Variants in TGFBR2 observed in about 807,000 individuals in gnomAD.
TGFBR2 encodes the protein transforming growth factor beta receptor 2, also known as TGF-beta receptor type-2.
TGFBR2 carries 18 observed loss-of-function variants against 49.0 expected under a neutral mutation model. That is an observed-to-expected ratio of 0.37 (90% CI 0.25 to 0.54). TGFBR2 has a LOEUF of 0.54. Among genes scored for constraint, TGFBR2 ranks in the 20% least tolerant of loss-of-function variants. The probability of loss-of-function intolerance (pLI) is 0.85; values close to 1 mark genes in which losing one functional copy is unlikely to be tolerated. For synonymous variants in TGFBR2, 282 were observed against 275.9 expected (o/e 1.02, Z -0.22); for missense variants, 525 against 722.6 (o/e 0.73, Z 3.13).
At chr3:30,669,121 C>CAAAAAAAAAAAAAAAAAAAAAAAAAAAAA (rs56069409) in intron 3 of TGFBR2, among the ~76,000 whole-genome samples, 1 of 83,464 alleles carries the variant, frequency 1.2e-5, no homozygotes, top group African/African-American at 5.5e-5. Flanking sequence ...ACTAAAAATA[C>CAAAAAAAAAAAAAAAAAAAAAAAAAAAAA]AAAAAAAAAA....
intron 2 of TGFBR2, among the ~76,000 whole-genome samples, chr3:30,649,217 T>C (rs1345987570): frequency 6.6e-6 from 1 of 152,122 alleles, no homozygotes. Context: ...GTATTTTGCA[T>C]CTAAAAAGGA....
Position 30,671,657 on chromosome 3 carries a change from T to C in TGFBR2, c.474T>C (p.Pro158=). The part of the protein sequence containing the change: ...IFSEEYNTSN[P]DLLLVIFQVT... ...CATCAGAATATAACACCAGCAATCC[T>C]GACTTGTTGCTAGTCATATTTCAAG... The change falls in exon 4 of 7, where the codon CCT becomes CCC. Residue 158 remains proline, a synonymous_variant. Transcript: ENST00000295754. 6.2e-7 allele frequency: 1 copy of C among 1,614,222 alleles called. No individual in the cohort carries two copies. The highest frequency in any genetic ancestry group is 1.1e-5 in the South Asian group (1 of 91,088).
rs761927882 is a variant in TGFBR2 at position 30,671,669 on chromosome 3, A to G, written c.486A>G (p.Leu162=). The change falls in exon 4 of 7, where the codon CTA becomes CTG. Residue 162 remains leucine (L), a synonymous_variant. Coordinates refer to ENST00000295754, the MANE Select transcript of TGFBR2 (RefSeq NM_003242.6). ...ACACCAGCAATCCTGACTTGTTGCT[A>G]GTCATATTTCAAGTGACAGGCATCA... ...EYNTSNPDLL[L]VIFQVTGISL... is the part of the protein sequence containing the mutation. 1.9e-6 allele frequency: 3 copies of G among 1,614,176 alleles called. No homozygotes were observed. The highest frequency in any genetic ancestry group is 2.2e-5 in the East Asian group (1 of 44,882).
Position 30,693,145 on chromosome 3 carries a change from C to T in TGFBR2, c.*1546C>T. The T allele has an allele frequency of 4.3e-6, 1 of 233,320 alleles. No homozygotes were observed. Among genetic ancestry groups the T allele is most frequent in the Non-Finnish European group, 8.5e-6 (1 of 117,970 alleles). The allele number at this position is 233,320 out of a possible 1,614,324, so 14.5% of individuals were successfully genotyped here. ...GAACTCCTTTAAGGGTCTCAGTTAG[C>T]CCAAGTTTCTTTTGCTTATATGTTA... On this transcript the variant is annotated 3_prime_UTR_variant, in exon 7 of 7. Transcript: ENST00000295754.
At chr3:30,617,916 A>AG (rs1169087228) in intron 1 of TGFBR2, among the ~76,000 whole-genome samples, 2 of 152,252 alleles carry the variant, frequency 1.3e-5, no homozygotes, top group African/African-American at 4.8e-5. Context: ...ATAGCATTAA[A>AG]GCATGTTCCA....
intron 6 of TGFBR2, among the ~76,000 whole-genome samples, chr3:30,689,650 T>G (rs1012367118): frequency 1.2e-4 from 18 of 152,246 alleles, no homozygotes; most frequent in African/African-American, 3.9e-4. Context: ...GGTCACAGGC[T>G]TCTCTGGAGT....
intron 5 of TGFBR2, among the ~76,000 whole-genome samples, chr3:30,686,798 G>C (rs3773661): frequency 0.14 from 21,428 of 152,152 alleles, 1,643 homozygotes; most frequent in East Asian, 0.32. Flanking sequence ...ATCTTTTTAA[G>C]TGTCCTGTGC....
intron 1 of TGFBR2, among the ~76,000 whole-genome samples, chr3:30,618,992 A>C (rs189510339): frequency 2.0e-5 from 3 of 152,332 alleles, no homozygotes; most frequent in Admixed American, 2.0e-4. Context: ...CTTAATTAAC[A>C]GTAGCCACAA....
chr3:30,681,159 T>G (rs1264369206), intron 5 of TGFBR2, among the ~76,000 whole-genome samples: 17 of 78,592 alleles, frequency 2.2e-4, no homozygotes, highest in East Asian at 8.3e-4. Flanking sequence ...CCTTGTGAGA[T>G]GAAAAAAAAA....
chr3:30,672,289 G>A lies in TGFBR2; in HGVS notation c.1106G>A (p.Gly369Glu), dbSNP rs2125436215. The A allele has an allele frequency of 6.2e-7, 1 of 1,605,932 alleles. No individual in the cohort carries two copies. Among genetic ancestry groups the A allele is most frequent in the Admixed American group, 1.7e-5 (1 of 59,716 alleles). Residue 369 changes from glycine (G) to glutamate (E), a missense_variant, in exon 4 of 7, where the codon GGG becomes GAG. Around this residue, in one of 3 missense-constraint regions of TGFBR2, gnomAD observed 376 missense variants for 478.2 expected, o/e 0.79. Coordinates refer to ENST00000295754, the MANE Select transcript of TGFBR2 (RefSeq NM_003242.6). The surrounding 1 kb of genome is among the most constrained non-coding windows in gnomAD (Gnocchi z 4.5). ...AHLHSDHTPC[G>E]RPKMPIVHRD... ...CTCCACAGTGATCACACTCCATGTG[G>A]GAGGCCCAAGATGCCCATCGTGCAC...
intron 1 of TGFBR2, chr3:30,623,408 T>TA (rs1184948295): frequency 8.5e-7 from 1 of 1,178,520 alleles, no homozygotes; most frequent in Non-Finnish European, 1.2e-6. Context: ...GCTAAATTGT[T>TA]AAAGAGGCGA....
rs587782979 is a variant in TGFBR2, at chr3:30,674,232, G to A, written c.1382G>A (p.Cys461Tyr). 1 of 1,614,158 alleles carries A rather than the reference G, an allele frequency of 6.2e-7. No homozygotes were observed. The highest frequency in any genetic ancestry group is 8.5e-7 in the Non-Finnish European group (1 of 1,180,002). ...GTGCTCTGGGAAATGACATCTCGCT[G>A]TAATGCAGTGGGAGGTAGGTGTGGA... ...ALVLWEMTSR[C>Y]NAVGEVKDYE... The change falls in exon 5 of 7, where the codon TGT (cysteine) becomes TAT (tyrosine). Residue 461 changes from cysteine (C) to tyrosine (Y), a missense_variant. By Grantham distance (194) the Cys-to-Tyr change is radical (BLOSUM62 -2). Coordinates refer to ENST00000295754, the MANE Select transcript of TGFBR2 (RefSeq NM_003242.6).
At chr3:30,628,975 C>T (rs73823640) in intron 1 of TGFBR2, among the ~76,000 whole-genome samples, 2,337 of 152,258 alleles carry the variant, frequency 0.015, 61 homozygotes, top group African/African-American at 0.054. Flanking sequence ...TTTAATTACA[C>T]AAGGCATCCA....
intron 3 of TGFBR2, among the ~76,000 whole-genome samples, chr3:30,662,462 T>A (rs376906961): frequency 2.0e-5 from 3 of 152,218 alleles, no homozygotes; most frequent in African/African-American, 7.2e-5. Context: ...TTCTGAAATA[T>A]GTGCAGTTGG....
chr3:30,643,445 G>T (rs1698678486), intron 1 of TGFBR2, among the ~76,000 whole-genome samples: 1 of 152,114 alleles, frequency 6.6e-6, no homozygotes, highest in Admixed American at 6.5e-5. Context: ...TGGGGAATGG[G>T]GTGTTACACC....
Position 30,692,846 on chromosome 3 carries a change from G to A in TGFBR2, c.*1247G>A. ...TTTTGCAGGAAAATCTGGATCCCCA[G>A]GTAAGGATAGCAGATGGTTTTCAGT... is the stretch of plus-strand genomic sequence containing the variant. On this transcript the variant is annotated 3_prime_UTR_variant, in exon 7 of 7. Transcript: ENST00000295754. 4.3e-6 allele frequency: 1 copy of A among 233,230 alleles called. No homozygotes were observed. The highest frequency in any genetic ancestry group is 6.0e-5 in the East Asian group (1 of 16,674). 14.4% of individuals were successfully genotyped at this position (233,230 alleles called of 1,614,324 possible).
At chr3:30,626,114 A>T (rs914134994) in intron 1 of TGFBR2, among the ~76,000 whole-genome samples, 1 of 152,214 alleles carries the variant, frequency 6.6e-6, no homozygotes, top group Non-Finnish European at 1.5e-5. Flanking sequence ...GATGATTCCG[A>T]TGTGGAACCA....
chr3:30,618,532 G>A (rs367779204), intron 1 of TGFBR2, among the ~76,000 whole-genome samples: 18 of 152,202 alleles, frequency 1.2e-4, no homozygotes, highest in African/African-American at 4.1e-4. Flanking sequence ...CATCGTGTCC[G>A]GCCCCAAGGA....
chr3:30,640,381 C>T (rs113692779), intron 1 of TGFBR2, among the ~76,000 whole-genome samples: 34 of 152,200 alleles, frequency 2.2e-4, no homozygotes, highest in African/African-American at 6.3e-4. Context: ...CTATAGGAAT[C>T]GAAGTACAGT....
Sources: allele counts gnomAD v4.1 joint callset (sites outside exome capture counted in the v4.1 genomes callset), GRCh38; gene constraint gnomAD v4.1.1; regional missense constraint gnomAD v4.1.1; non-coding constraint Gnocchi (gnomAD v3.1); transcripts MANE v1.5; gene names NCBI Gene and HGNC (gene_info 2026-07-23, HGNC 2026-07-21).